The following ETV6 variants were observed in gnomAD, a reference collection of about 807,000 sequenced individuals.
ETV6 encodes transcription factor ETV6.
A neutral mutation model predicts 51.1 loss-of-function variants in ETV6; 16 were observed. The observed-to-expected ratio is 0.31, with a 90% CI of 0.21 to 0.48. The LOEUF (loss-of-function observed/expected upper bound fraction) is 0.48. ETV6 is among the 20% of genes least tolerant of loss of function. ETV6 has a pLI of 0.99. For synonymous variants in ETV6, 240 were observed against 224.1 expected, an observed-to-expected ratio of 1.07 and a Z score of -0.64; for missense variants, 458 against 594.8, an observed-to-expected ratio of 0.77 and a Z score of 2.39.
chr12:11,686,730 T>G (rs371525073), intron 1 of ETV6, among the ~76,000 whole-genome samples: 1 of 151,972 alleles, frequency 6.6e-6, no homozygotes, highest in East Asian at 1.9e-4. Context: ...GTTTCACCAT[T>G]TGGCCAGGCT....
At chr12:11,771,703 T>G (rs1365728157) in intron 2 of ETV6, among the ~76,000 whole-genome samples, 1 of 152,226 alleles carries the variant, frequency 6.6e-6, no homozygotes, top group African/African-American at 2.4e-5. Flanking sequence ...CCGTGAAGTT[T>G]CAGTTCATAT....
At chr12:11,801,014 A>C (rs1246038327) in intron 2 of ETV6, among the ~76,000 whole-genome samples, 3 of 152,238 alleles carry the variant, frequency 2.0e-5, no homozygotes, top group Admixed American at 1.3e-4. Context: ...AAAGTAGTAT[A>C]ATTACATCAT....
intron 2 of ETV6, among the ~76,000 whole-genome samples, chr12:11,800,085 A>G (rs1472372977): frequency 6.6e-6 from 1 of 152,130 alleles, no homozygotes; most frequent in East Asian, 1.9e-4. Context: ...GCTGGTGGCA[A>G]TTTACATCTG....
At chr12:11,651,908 A>G (rs530620731) in intron 1 of ETV6, among the ~76,000 whole-genome samples, 2 of 152,234 alleles carry the variant, frequency 1.3e-5, no homozygotes, top group South Asian at 4.1e-4. Context: ...CACCGTTTTG[A>G]TGGGCTTATG....
At chr12:11,766,936 A>C (rs1218106936) in intron 2 of ETV6, among the ~76,000 whole-genome samples, 2 of 152,120 alleles carry the variant, frequency 1.3e-5, no homozygotes, top group East Asian at 3.8e-4. Flanking sequence ...GTACCTGAAC[A>C]TGTCATTTTC....
intron 2 of ETV6, among the ~76,000 whole-genome samples, chr12:11,817,300 C>G (rs1263899945): frequency 6.6e-6 from 1 of 152,174 alleles, no homozygotes; most frequent in Non-Finnish European, 1.5e-5. Flanking sequence ...AATATTCTTT[C>G]AATACTTATT....
chr12:11,694,175 C>T (rs908174563), intron 1 of ETV6, among the ~76,000 whole-genome samples: 1 of 152,264 alleles, frequency 6.6e-6, no homozygotes, highest in African/African-American at 2.4e-5. Context: ...ATTCTTGTAG[C>T]TACCTAGCAC....
chr12:11,664,576 C>G (rs1168736011), intron 1 of ETV6, among the ~76,000 whole-genome samples: 1 of 152,112 alleles, frequency 6.6e-6, no homozygotes, highest in East Asian at 1.9e-4. Flanking sequence ...CAACTTAAAG[C>G]CAGCACTGCC....
intron 2 of ETV6, among the ~76,000 whole-genome samples, chr12:11,785,643 T>C (rs560321187): frequency 2.4e-4 from 37 of 152,360 alleles, no homozygotes; most frequent in African/African-American, 8.2e-4. Context: ...GTGAGAATTA[T>C]GGCAGTGCTA....
chr12:11,732,059 T>C (rs564812788), intron 1 of ETV6, among the ~76,000 whole-genome samples: 1 of 152,292 alleles, frequency 6.6e-6, no homozygotes, highest in East Asian at 1.9e-4. Flanking sequence ...TGTTCCACCC[T>C]GCAGTCCTTA....
chr12:11,806,324 A>G (rs188593923), intron 2 of ETV6, among the ~76,000 whole-genome samples: 2 of 152,336 alleles, frequency 1.3e-5, no homozygotes, highest in East Asian at 3.9e-4. Flanking sequence ...AAAGTAAGAA[A>G]CAATTGAGAG....
rs74060878 is a variant in ETV6 at position 11,837,219 on chromosome 12, G to A, written c.164-1921G>A. 8.2e-3 allele frequency among the ~76,000 whole-genome samples: 1,242 copies of A among 152,044 alleles called. 20 individuals carry two copies. The highest frequency in any genetic ancestry group is 0.029 in the African/African-American group (1,190 of 41,462). ...TCAAAAACAAAAACTTTTAGTGGCT[G>A]TATTTTATTCTAAAGATCATAAAGC... On this transcript the variant is annotated intron_variant, in intron 2 of 7. Coordinates refer to ENST00000396373, the MANE Select transcript of ETV6 (RefSeq NM_001987.5).
chr12:11,844,802 G>T (rs1400511303), intron 3 of ETV6, among the ~76,000 whole-genome samples: 1 of 148,988 alleles, frequency 6.7e-6, no homozygotes, highest in Admixed American at 6.7e-5. Context: ...GAAATGCTTC[G>T]ATAGGTCACT....
intron 2 of ETV6, among the ~76,000 whole-genome samples, chr12:11,802,729 A>C (rs1945767833): frequency 6.6e-6 from 1 of 152,218 alleles, no homozygotes; most frequent in Non-Finnish European, 1.5e-5. Flanking sequence ...GTTCTTTGTC[A>C]GCACTCCAGC....
At position 11,894,296 on chromosome 12, in the gene ETV6, T is replaced by C. The variant is rs1947356522; in HGVS notation, c.*3250T>C. The stretch of plus-strand genomic sequence containing the variant: ...AGCCCTGCCGTGTGATGGATGTGCA[T>C]TCTCACTTGGGTCTTGAAGTTCTCA... On this transcript the variant is annotated 3_prime_UTR_variant, in exon 8 of 8. Transcript: ENST00000396373. 1 of 232,868 alleles carries C rather than the reference T, an allele frequency of 4.3e-6. No homozygotes were observed. Among genetic ancestry groups the C allele is most frequent in the Admixed American group, 5.6e-5 (1 of 17,772 alleles). The allele number at this position is 232,868 out of a possible 1,614,324, so 14.4% of individuals were successfully genotyped here. A position where few individuals can be genotyped will look rare whatever the true frequency, so the allele number is the denominator to read the frequency against.
At chr12:11,876,184 C>T (rs909891157) in intron 5 of ETV6, among the ~76,000 whole-genome samples, 7 of 152,116 alleles carry the variant, frequency 4.6e-5, no homozygotes, top group African/African-American at 1.7e-4. Context: ...TCAGACCAAC[C>T]AGAATAGTTA....
At position 11,884,536 on chromosome 12, in the gene ETV6, A is replaced by G; in HGVS notation, c.1101A>G (p.Ile367Met). ...FIRWEDKESKIFRIVDPNGLA... is the reference protein window; with the variant it reads ...FIRWEDKESKMFRIVDPNGLA... Reference sequence around the variant, plus strand: ...GATGGGAGGACAAAGAATCCAAAATATTCCGGATAGTGGATCCCAACGGAC... The same window carrying G: ...GATGGGAGGACAAAGAATCCAAAATGTTCCGGATAGTGGATCCCAACGGAC... The change falls in exon 6 of 8, where the codon ATA (isoleucine) becomes ATG (methionine). Residue 367 changes from isoleucine to methionine, a missense_variant. By Grantham distance (10) the Ile-to-Met change is conservative. Around this residue, in one of 4 missense-constraint regions of ETV6, gnomAD observed 55 missense variants for 151.2 expected, o/e 0.36. Coordinates refer to ENST00000396373, the MANE Select transcript of ETV6 (RefSeq NM_001987.5). 2 of 1,614,226 alleles carry G rather than the reference A, an allele frequency of 1.2e-6. No homozygotes were observed. The highest frequency in any genetic ancestry group is 1.7e-6 in the Non-Finnish European group (2 of 1,180,032).
chr12:11,737,043 C>T (rs1865713490), intron 1 of ETV6, among the ~76,000 whole-genome samples: 2 of 152,164 alleles, frequency 1.3e-5, no homozygotes, highest in African/African-American at 4.8e-5. Context: ...GTGGGAGGGC[C>T]TGGGGCTCCT....
intron 2 of ETV6, among the ~76,000 whole-genome samples, chr12:11,771,535 A>G (rs956944001): frequency 6.6e-6 from 1 of 152,188 alleles, no homozygotes; most frequent in Non-Finnish European, 1.5e-5. Context: ...GCAGGTTTGT[A>G]TGTTACCAGA....
Sources: gnomAD v4.1 joint callset for allele counts (sites outside exome capture counted in the v4.1 genomes callset) on GRCh38, gnomAD v4.1.1 for gene constraint, gnomAD v4.1.1 regional missense constraint, MANE v1.5 for transcripts, NCBI Gene and HGNC (gene_info 2026-07-23, HGNC 2026-07-21) for gene names.